FARS2: variants seen among roughly 807,000 people sequenced by gnomAD.
FARS2 encodes phenylalanyl-tRNA synthetase 2, mitochondrial, also known as phenylalanine--tRNA ligase, mitochondrial.
Under a neutral mutation model 46.4 loss-of-function variants are expected in FARS2, and 40 were observed. The ratio of observed to expected loss-of-function variants is 0.86; its 90% CI spans 0.67 to 1.12. The LOEUF (loss-of-function observed/expected upper bound fraction) is 1.12. Ranked by LOEUF, FARS2 falls within the 50% of genes most tolerant of loss-of-function variation. The pLI, the probability that FARS2 is intolerant of heterozygous loss-of-function variation, is 0.00. For missense variants in FARS2, 513 were observed against 567.9 expected (o/e 0.90, Z 0.98); for synonymous variants, 234 against 214.9 (o/e 1.09, Z -0.78).
chr6:5,631,201 AT>A (rs1409133494), intron 6 of FARS2, among the ~76,000 whole-genome samples: 1 of 152,178 alleles, frequency 6.6e-6, no homozygotes, highest in African/African-American at 2.4e-5. Context: ...TATATTTAGA[AT>A]TTTTTTCAAC....
chr6:5,335,753 A>C (rs1210332863), intron 1 of FARS2, among the ~76,000 whole-genome samples: 1 of 152,198 alleles, frequency 6.6e-6, no homozygotes, highest in Admixed American at 6.5e-5. Flanking sequence ...TTGTGTGACC[A>C]GTAATCAAAA....
chr6:5,338,806 C>T (rs1232462038), intron 1 of FARS2, among the ~76,000 whole-genome samples: 4 of 152,148 alleles, frequency 2.6e-5, no homozygotes, highest in South Asian at 2.1e-4. Context: ...GTTTGTTGAA[C>T]GAGTGAGTGC....
intron 4 of FARS2, among the ~76,000 whole-genome samples, chr6:5,466,140 CT>C (rs1290000608): frequency 4.6e-5 from 7 of 152,184 alleles, no homozygotes; most frequent in African/African-American, 1.7e-4. Context: ...CTCCTTCTCT[CT>C]TTGCCTTGGT....
intron 4 of FARS2, among the ~76,000 whole-genome samples, chr6:5,457,217 A>G (rs1764945728): frequency 6.6e-6 from 1 of 152,066 alleles, no homozygotes; most frequent in South Asian, 2.1e-4. Context: ...CTGACTCACT[A>G]TCTCTGCCTG....
At chr6:5,711,521 A>G (rs898720826) in intron 6 of FARS2, among the ~76,000 whole-genome samples, 4 of 152,300 alleles carry the variant, frequency 2.6e-5, no homozygotes, top group South Asian at 2.1e-4. Context: ...ACCAAGGCCA[A>G]CGTCAAGAGT....
At chr6:5,489,178 G>A (rs571575197) in intron 4 of FARS2, among the ~76,000 whole-genome samples, 7 of 152,302 alleles carry the variant, frequency 4.6e-5, no homozygotes, top group African/African-American at 1.7e-4. Context: ...GTCAGGCTGG[G>A]TGCGGTGGCT....
chr6:5,568,105 T>A (rs1268146155), intron 5 of FARS2, among the ~76,000 whole-genome samples: 1 of 152,228 alleles, frequency 6.6e-6, no homozygotes, highest in African/African-American at 2.4e-5. Flanking sequence ...CTCTCTCTGC[T>A]TCTGTCTGGT....
intron 5 of FARS2, among the ~76,000 whole-genome samples, chr6:5,596,362 C>T (rs1012852377): frequency 6.6e-6 from 1 of 152,228 alleles, no homozygotes; most frequent in East Asian, 1.9e-4. Flanking sequence ...ATCTGGACAA[C>T]ACCATCTGCC....
At chr6:5,590,702 C>T (rs910031846) in intron 5 of FARS2, among the ~76,000 whole-genome samples, 8 of 152,194 alleles carry the variant, frequency 5.3e-5, no homozygotes, top group African/African-American at 1.7e-4. Context: ...CAGCTTTGTA[C>T]ATTGTACTGA....
rs1773339281 is a variant in FARS2 at position 5,581,720 on chromosome 6, CT to C, written c.1066-31445del. On this transcript the variant is annotated intron_variant, in intron 5 of 6. Coordinates refer to ENST00000274680, the MANE Select transcript of FARS2 (RefSeq NM_006567.5). ...AGCCAGGCCCTTAATTCCTGATGTGCTTTTCTAAATGGTCACGGTAACATAC... is the reference window on the plus strand; with the variant it reads ...AGCCAGGCCCTTAATTCCTGATGTGCTTTCTAAATGGTCACGGTAACATAC... Among the ~76,000 whole-genome samples, 4 of 152,116 alleles carry C rather than the reference CT, an allele frequency of 2.6e-5. No individual in the cohort carries two copies. The South Asian group carries it at 8.3e-4, about 32-fold the overall frequency.
At chr6:5,345,172 G>C (rs1044862935) in intron 1 of FARS2, among the ~76,000 whole-genome samples, 1 of 150,718 alleles carries the variant, frequency 6.6e-6, no homozygotes, top group Non-Finnish European at 1.5e-5. Flanking sequence ...GAAGTGCCTG[G>C]TTGGCGACTA....
chr6:5,723,397 G>A lies in FARS2; in HGVS notation c.1218-47894G>A, dbSNP rs544282971. ...GAAAAGGCTGCTGGATTCAAAACTC[G>A]GCTTTGTGTGCACCCTTGGACACGC... On this transcript the variant is annotated intron_variant, in intron 6 of 6. Transcript: ENST00000274680. 3.4e-4 allele frequency among the ~76,000 whole-genome samples: 52 copies of A among 152,172 alleles called. 1 individual carries two copies. Among genetic ancestry groups the A allele is most frequent in the African/African-American group, 1.1e-3 (46 of 41,478 alleles).
chr6:5,629,530 G>C (rs907290058), intron 6 of FARS2, among the ~76,000 whole-genome samples: 1 of 152,180 alleles, frequency 6.6e-6, no homozygotes, highest in African/African-American at 2.4e-5. Flanking sequence ...GAGGATGGGA[G>C]AGTTGGGAAA....
chr6:5,378,735 A>G (rs967968758), intron 2 of FARS2, among the ~76,000 whole-genome samples: 3 of 152,170 alleles, frequency 2.0e-5, no homozygotes, highest in African/African-American at 7.2e-5. Context: ...TCTTTAAAAT[A>G]TTTTAGGAAG....
chr6:5,403,939 C>G (rs1211638147), intron 2 of FARS2, among the ~76,000 whole-genome samples: 1 of 152,142 alleles, frequency 6.6e-6, no homozygotes, highest in Non-Finnish European at 1.5e-5. Context: ...GTGCCAGATA[C>G]TCTGTATTTT....
chr6:5,620,686 A>G lies in FARS2; in HGVS notation c.1217+7366A>G, dbSNP rs566716255. Among the ~76,000 whole-genome samples, 5 of 152,278 alleles carry G rather than the reference A, an allele frequency of 3.3e-5. No homozygotes were observed. In the South Asian group the frequency reaches 1.0e-3, roughly 32 times the overall value. On this transcript the variant is annotated intron_variant, in intron 6 of 6. Coordinates refer to ENST00000274680, the MANE Select transcript of FARS2 (RefSeq NM_006567.5). ...TACCCCACCTGGGCCCCGAGTCCAC[A>G]TGACCTTCACTGTCCAGCAATCAGC...
At chr6:5,320,175 C>T (rs1769865664) in intron 1 of FARS2, among the ~76,000 whole-genome samples, 1 of 152,180 alleles carries the variant, frequency 6.6e-6, no homozygotes, top group Admixed American at 6.5e-5. Flanking sequence ...TTCACTTGAG[C>T]GTCTGGAGAA....
intron 5 of FARS2, among the ~76,000 whole-genome samples, chr6:5,550,880 T>C (rs756329131): frequency 2.4e-4 from 36 of 152,326 alleles, no homozygotes; most frequent in African/African-American, 8.7e-4. Context: ...ATATGCTTAA[T>C]TTCTTCAAAG....
At chr6:5,487,474 A>G (rs1230025497) in intron 4 of FARS2, among the ~76,000 whole-genome samples, 1 of 152,130 alleles carries the variant, frequency 6.6e-6, no homozygotes, top group Non-Finnish European at 1.5e-5. Flanking sequence ...TACCTCAATG[A>G]TATGTTTTTA....
Sources: allele counts gnomAD v4.1 joint callset (sites outside exome capture counted in the v4.1 genomes callset), GRCh38; gene constraint gnomAD v4.1.1; transcripts MANE v1.5; gene names NCBI Gene and HGNC (gene_info 2026-07-23, HGNC 2026-07-21).